SEC22C: variants seen among roughly 807,000 people sequenced by gnomAD.
SEC22C encodes vesicle-trafficking protein SEC22c.
SEC22C carries 29 observed loss-of-function variants against 34.7 expected under a neutral mutation model. That is an observed-to-expected ratio of 0.84 (90% confidence interval 0.62 to 1.14). The LOEUF is 1.14. SEC22C is among the 50% of genes most tolerant of loss of function. SEC22C has a pLI of 0.00. For synonymous variants in SEC22C, 117 were observed against 132.8 expected (o/e 0.88, Z 0.82); for missense variants, 337 against 369.0 (o/e 0.91, Z 0.71).
At chr3:42,597,385 C>A (rs1050775429) in intron 1 of SEC22C, among the ~76,000 whole-genome samples, 4 of 152,168 alleles carry the variant, frequency 2.6e-5, no homozygotes, top group African/African-American at 9.7e-5. Flanking sequence ...GAAACCCTGT[C>A]TCTACTAAAA....
intron 1 of SEC22C, among the ~76,000 whole-genome samples, chr3:42,597,681 A>G (rs1272276588): frequency 6.6e-6 from 1 of 151,880 alleles, no homozygotes; most frequent in East Asian, 1.9e-4. Context: ...AGCCCAACAC[A>G]AACTCATAAA....
At chr3:42,597,695 T>C (rs921239263) in intron 1 of SEC22C, among the ~76,000 whole-genome samples, 3 of 152,166 alleles carry the variant, frequency 2.0e-5, no homozygotes, top group Non-Finnish European at 4.4e-5. Flanking sequence ...TCATAAACTT[T>C]CAAGAAATAT....
intron 1 of SEC22C, among the ~76,000 whole-genome samples, chr3:42,599,653 C>A (rs1705193924): frequency 6.6e-6 from 1 of 150,582 alleles, no homozygotes; most frequent in South Asian, 2.1e-4. Context: ...GATCCCGCCA[C>A]TGCACTCCAG....
At chr3:42,597,516 A>G (rs1414280966) in intron 1 of SEC22C, among the ~76,000 whole-genome samples, 1 of 151,638 alleles carries the variant, frequency 6.6e-6, no homozygotes, top group Non-Finnish European at 1.5e-5. Context: ...AGATCGTGCC[A>G]CTGCACTCCA....
chr3:42,558,124 T>G (rs1261074130), intron 4 of SEC22C, among the ~76,000 whole-genome samples: 2 of 152,144 alleles, frequency 1.3e-5, no homozygotes, highest in South Asian at 2.1e-4. Flanking sequence ...CTACAATGAA[T>G]GCACAGGACA....
In SEC22C at chr3:42,549,552, G is replaced by A; in HGVS notation, c.*3696C>T. 2 of 949,502 alleles carry A rather than the reference G, an allele frequency of 2.1e-6. No individual in the cohort carries two copies. The highest frequency in any genetic ancestry group is 2.4e-6 in the Non-Finnish European group (2 of 822,508). The allele number at this position is 949,502 out of a possible 1,614,324, so 58.8% of individuals were successfully genotyped here. A position where few individuals can be genotyped will look rare whatever the true frequency, so the allele number is the denominator to read the frequency against. ...ATTGTCTCTGACTCTGAGCTGTGCT[G>A]ACCACCAAGTGTTACTCCTCTCCAA... On this transcript the variant is annotated 3_prime_UTR_variant, in exon 7 of 7. Coordinates refer to ENST00000264454, the MANE Select transcript of SEC22C (RefSeq NM_032970.4).
intron 1 of SEC22C, among the ~76,000 whole-genome samples, chr3:42,571,314 A>C (rs932112026): frequency 6.6e-6 from 1 of 151,792 alleles, no homozygotes; most frequent in African/African-American, 2.4e-5. Flanking sequence ...TTCAAGATAA[A>C]TAAATACCCC....
Position 42,551,356 on chromosome 3 carries a change from T to C in SEC22C, c.*1892A>G. 4 of 985,078 alleles carry C rather than the reference T, an allele frequency of 4.1e-6. No individual in the cohort carries two copies. Among genetic ancestry groups the C allele is most frequent in the Non-Finnish European group, 4.8e-6 (4 of 829,638 alleles). The allele number at this position is 985,078 out of a possible 1,614,324, so 61.0% of individuals were successfully genotyped here. The stretch of plus-strand genomic sequence containing the variant: ...CAATATAATTTTCATATTCAGACTT[T>C]TTAGAGACAGGGTTTCACTCTGTCA... On this transcript the variant is annotated 3_prime_UTR_variant, in exon 7 of 7. Coordinates refer to ENST00000264454, the MANE Select transcript of SEC22C (RefSeq NM_032970.4).
At chr3:42,561,658 G>C (rs1428817258) in intron 3 of SEC22C, among the ~76,000 whole-genome samples, 1 of 152,116 alleles carries the variant, frequency 6.6e-6, no homozygotes, top group East Asian at 1.9e-4. Flanking sequence ...CAGAGTGCTG[G>C]GATAATAGGC....
At chr3:42,574,753 A>G (rs1369965490) in intron 1 of SEC22C, among the ~76,000 whole-genome samples, 1 of 152,222 alleles carries the variant, frequency 6.6e-6, no homozygotes, top group Admixed American at 6.5e-5. Context: ...ACTCACACAC[A>G]AACACATATA....
At chr3:42,577,108 C>A (rs1399692743) in intron 1 of SEC22C, among the ~76,000 whole-genome samples, 1 of 151,800 alleles carries the variant, frequency 6.6e-6, no homozygotes, top group Non-Finnish European at 1.5e-5. Flanking sequence ...TAAAAATTAA[C>A]TAAAAATTTA....
intron 5 of SEC22C, among the ~76,000 whole-genome samples, chr3:42,557,322 G>A (rs543988360): frequency 1.3e-5 from 2 of 152,240 alleles, no homozygotes; most frequent in East Asian, 3.9e-4. Flanking sequence ...CCACAGGGTG[G>A]TCTAATGTCC....
At chr3:42,556,178 T>C (rs1174875536) in intron 5 of SEC22C, among the ~76,000 whole-genome samples, 183 bp from the exon 6 acceptor site, 1 of 152,188 alleles carries the variant, frequency 6.6e-6, no homozygotes, top group East Asian at 1.9e-4. Context: ...TTTCAACAGC[T>C]TGGTCACAGC....
intron 2 of SEC22C, among the ~76,000 whole-genome samples, chr3:42,564,977 C>T (rs547015874): frequency 1.1e-4 from 16 of 152,170 alleles, no homozygotes; most frequent in South Asian, 1.0e-3. Context: ...AGGCTGGTCT[C>T]GAACCACTGG....
upstream of SEC22C, among the ~76,000 whole-genome samples, chr3:42,585,279 G>A (rs537630888): frequency 6.6e-6 from 1 of 152,292 alleles, no homozygotes; most frequent in South Asian, 2.1e-4. Flanking sequence ...TTGGACAACA[G>A]GGGTGAGATG....
At position 42,549,859 on chromosome 3, in the gene SEC22C, C is replaced by G. The variant is rs1702160952; in HGVS notation, c.*3389G>C. ...TAATTCCAGCATTCTCCAGAGTTCA[C>G]AGAAAAGAGGGATGCAAGCCCAAAA... On this transcript the variant is annotated 3_prime_UTR_variant, in exon 7 of 7. Transcript: ENST00000264454. 5 of 985,402 alleles carry G rather than the reference C, an allele frequency of 5.1e-6. No homozygotes were observed. In the South Asian group the frequency reaches 1.9e-4, roughly 37 times the overall value. The allele number at this position is 985,402 out of a possible 1,614,324, so 61.0% of individuals were successfully genotyped here.
At chr3:42,590,997 G>C in intron 1 of SEC22C, 2 of 1,546,250 alleles carry the variant, frequency 1.3e-6, no homozygotes, top group Non-Finnish European at 1.7e-6. Context: ...GCGGGCGGGC[G>C]GAGAGAAGTC....
intron 1 of SEC22C, among the ~76,000 whole-genome samples, chr3:42,590,634 G>C (rs894946330): frequency 2.6e-5 from 4 of 151,746 alleles, no homozygotes; most frequent in African/African-American, 4.8e-5. Flanking sequence ...GCTGACGCCA[G>C]GTAGGTCAGC....
upstream of SEC22C, among the ~76,000 whole-genome samples, chr3:42,584,983 G>C (rs532854277): frequency 1.4e-4 from 22 of 152,100 alleles, no homozygotes; most frequent in Non-Finnish European, 2.9e-4. Flanking sequence ...ACAAAAATTA[G>C]CCGGGCGTGA....
Sources: allele counts gnomAD v4.1 joint callset (sites outside exome capture counted in the v4.1 genomes callset), GRCh38; gene constraint gnomAD v4.1.1; transcripts MANE v1.5; gene names NCBI Gene and HGNC (gene_info 2026-07-23, HGNC 2026-07-21).